DHRSX: variants seen among roughly 807,000 people sequenced by gnomAD.
DHRSX encodes the protein dehydrogenase/reductase X-linked.
Under a neutral mutation model 34.0 loss-of-function variants are expected in DHRSX, and 31 were observed. That is an observed-to-expected ratio of 0.91 (90% confidence interval 0.69 to 1.23). DHRSX has a LOEUF of 1.23. DHRSX is among the 50% of genes most tolerant of loss of function. The pLI, the probability that DHRSX is intolerant of heterozygous loss-of-function variation, is 0.00. For synonymous variants in DHRSX, 201 were observed against 183.8 expected (o/e 1.09, Z -0.76); for missense variants, 414 against 428.1 (o/e 0.97, Z 0.29).
Position 2,500,797 on chromosome X carries a change from C to T in DHRSX, c.109+20G>A. ...CCACCCGGGTCCCCGGAGCCCTGAC[C>T]CCTGCCCCGCCCCGCTGACCTGGCT... is the stretch of plus-strand genomic sequence containing the variant. On this transcript the variant is annotated intron_variant, in intron 1 of 6. Coordinates refer to ENST00000334651, the MANE Select transcript of DHRSX (RefSeq NM_145177.3). The T allele has an allele frequency of 2.7e-6, 3 of 1,109,946 alleles. No individual in the cohort carries two copies. Among genetic ancestry groups the T allele is most frequent in the Non-Finnish European group, 3.3e-6 (3 of 907,050 alleles). 68.8% of individuals were successfully genotyped at this position (1,109,946 alleles called of 1,614,324 possible). A position where few individuals can be genotyped will look rare whatever the true frequency, so the allele number is the denominator to read the frequency against.
intron 1 of DHRSX, among the ~76,000 whole-genome samples, chrX:2,478,960 A>G (rs765539271): frequency 2.2e-4 from 33 of 151,330 alleles, no homozygotes; most frequent in African/African-American, 7.8e-4. Context: ...CAGCCAAGGC[A>G]AGGCACTGAA....
intron 4 of DHRSX, among the ~76,000 whole-genome samples, chrX:2,283,143 G>A (rs1339829321): frequency 2.0e-5 from 3 of 151,870 alleles, no homozygotes; most frequent in Non-Finnish European, 2.9e-5. Context: ...ATCTCGGGAG[G>A]GCGGTGGGAA....
intron 2 of DHRSX, among the ~76,000 whole-genome samples, chrX:2,414,215 T>G (rs889754280): frequency 3.9e-5 from 6 of 152,028 alleles, no homozygotes; most frequent in Non-Finnish European, 7.4e-5. Context: ...ACTCTCATCA[T>G]GACCAACCCA....
intron 5 of DHRSX, among the ~76,000 whole-genome samples, chrX:2,262,063 G>A (rs1489013077): frequency 1.3e-4 from 20 of 152,112 alleles, no homozygotes; most frequent in Admixed American, 2.6e-4. Context: ...AGCAGGCTCC[G>A]TGTGTGGAGC....
chrX:2,500,239 C>T lies in DHRSX; in HGVS notation c.109+578G>A, dbSNP rs751943811. 2.0e-4 allele frequency: 31 copies of T among 154,748 alleles called. No individual in the cohort carries two copies. The South Asian group carries it at 5.0e-3, about 25-fold the overall frequency. The allele number at this position is 154,748 out of a possible 1,614,324, so 9.6% of individuals were successfully genotyped here. A position where few individuals can be genotyped will look rare whatever the true frequency, so the allele number is the denominator to read the frequency against. ...CCTCCCCACCAGACCTCCGTGGCTC[C>T]CCAGTGCCCGAGAAGCCGCCTCTGG... is the stretch of plus-strand genomic sequence containing the variant. On this transcript the variant is annotated intron_variant, in intron 1 of 6. Coordinates refer to ENST00000334651, the MANE Select transcript of DHRSX (RefSeq NM_145177.3).
In DHRSX at chrX:2,390,088, T is replaced by A. The variant is rs778478546; in HGVS notation, c.286+18657A>T. Among the ~76,000 whole-genome samples the A allele has an allele frequency of 1.7e-3, 260 of 151,678 alleles. 1 individual carries two copies. The highest frequency in any genetic ancestry group is 3.3e-3 in the Non-Finnish European group (225 of 67,948). On this transcript the variant is annotated intron_variant, in intron 3 of 6. Coordinates refer to ENST00000334651, the MANE Select transcript of DHRSX (RefSeq NM_145177.3). ...GAACCACCGTGCCCGGCCTCATTTT[T>A]AAAATAATTTTTAATTGTGGAAAAA...
At chrX:2,473,526 G>A (rs2124016144) in intron 1 of DHRSX, among the ~76,000 whole-genome samples, 1 of 151,264 alleles carries the variant, frequency 6.6e-6, no homozygotes, top group African/African-American at 2.4e-5. Context: ...AGGAGACTGA[G>A]GCAGGAGAAT....
intron 3 of DHRSX, among the ~76,000 whole-genome samples, chrX:2,379,815 C>T (rs1396215348): frequency 2.0e-5 from 3 of 151,562 alleles, no homozygotes; most frequent in Non-Finnish European, 4.4e-5. Flanking sequence ...TGGGCTCAGT[C>T]GTAATGGCAA....
chrX:2,300,078 AC>A (rs1378794453), intron 3 of DHRSX, among the ~76,000 whole-genome samples: 3 of 152,064 alleles, frequency 2.0e-5, no homozygotes, highest in Non-Finnish European at 4.4e-5. Flanking sequence ...GAACTGAATT[AC>A]CCCTTCTTCT....
intron 1 of DHRSX, among the ~76,000 whole-genome samples, chrX:2,445,836 C>T (rs1306175494): frequency 2.0e-5 from 3 of 151,866 alleles, no homozygotes; most frequent in Non-Finnish European, 4.4e-5. Flanking sequence ...CCACCGTGTA[C>T]ACACTGAGGA....
chrX:2,229,890 G>C (rs1008160081), intron 6 of DHRSX, among the ~76,000 whole-genome samples: 2 of 152,106 alleles, frequency 1.3e-5, no homozygotes, highest in African/African-American at 4.8e-5. Context: ...TATGTATATG[G>C]ATATGTGTGA....
chrX:2,235,378 G>T (rs1261760080), intron 6 of DHRSX, among the ~76,000 whole-genome samples: 3 of 152,128 alleles, frequency 2.0e-5, no homozygotes, highest in South Asian at 4.1e-4. Context: ...GGACTTCACC[G>T]CTGTGCAATG....
At chrX:2,221,363 G>T in intron 6 of DHRSX, 134 bp from the exon 7 acceptor site, 1 of 917,242 alleles carries the variant, frequency 1.1e-6, no homozygotes, top group Non-Finnish European at 1.6e-6. Context: ...TATGCAAAAA[G>T]CGAGGTTGGG....
At chrX:2,458,452 G>C (rs775599241) in intron 1 of DHRSX, among the ~76,000 whole-genome samples, 1 of 152,286 alleles carries the variant, frequency 6.6e-6, no homozygotes, top group South Asian at 2.1e-4. Context: ...CAACAGATAA[G>C]TGCATCAAGC....
chrX:2,337,084 G>A (rs1193493762), intron 3 of DHRSX, among the ~76,000 whole-genome samples: 14 of 152,046 alleles, frequency 9.2e-5, no homozygotes, highest in African/African-American at 2.4e-4. Context: ...GATTACAGGC[G>A]TGAGCCACCG....
At chrX:2,324,990 C>G (rs896178096) in intron 3 of DHRSX, among the ~76,000 whole-genome samples, 5 of 149,862 alleles carry the variant, frequency 3.3e-5, no homozygotes, top group Admixed American at 1.3e-4. Flanking sequence ...TGGTCAGGCT[C>G]GTCTCGAACC....
At chrX:2,490,916 T>G (rs1191160379) in intron 1 of DHRSX, 2 of 689,948 alleles carry the variant, frequency 2.9e-6, no homozygotes, top group East Asian at 5.4e-5. Flanking sequence ...TCCTTGCGGG[T>G]CACTTTTGCA....
chrX:2,368,785 G>A (rs946949643), intron 3 of DHRSX, among the ~76,000 whole-genome samples: 9 of 152,046 alleles, frequency 5.9e-5, no homozygotes, highest in Non-Finnish European at 1.2e-4. Context: ...GGGAGGCGGA[G>A]GTTGCAGTGA....
intron 5 of DHRSX, among the ~76,000 whole-genome samples, chrX:2,263,283 C>T (rs143362064): frequency 0.011 from 1,662 of 152,168 alleles, 40 homozygotes; most frequent in African/African-American, 0.038. Context: ...GATGAGGTCA[C>T]GATGGGGGAG....
Sources: allele counts gnomAD v4.1 joint callset (sites outside exome capture counted in the v4.1 genomes callset), GRCh38; gene constraint gnomAD v4.1.1; transcripts MANE v1.5; gene names NCBI Gene and HGNC (gene_info 2026-07-23, HGNC 2026-07-21).